LRPPRC: variants seen among roughly 807,000 people sequenced by gnomAD.
LRPPRC encodes leucine-rich PPR motif-containing protein, mitochondrial.
LRPPRC carries 120 observed loss-of-function variants against 180.3 expected under a neutral mutation model. The ratio of observed to expected loss-of-function variants is 0.67; its 90% CI spans 0.57 to 0.77. LRPPRC has a LOEUF of 0.77. Among genes scored for constraint, LRPPRC ranks in the 30% least tolerant of loss-of-function variants. LRPPRC has a pLI of 0.00. For missense variants in LRPPRC, 2,012 were observed against 1,657.2 expected (o/e 1.21, Z -3.72); for synonymous variants, 723 against 600.0 (o/e 1.21, Z -3.00).
intron 1 of LRPPRC, among the ~76,000 whole-genome samples, chr2:43,994,146 A>C (rs752754783): frequency 6.6e-5 from 10 of 152,212 alleles, no homozygotes; most frequent in Non-Finnish European, 1.0e-4. Flanking sequence ...AATGGGCACA[A>C]CTTTCTCAAA....
chr2:43,973,517 T>A (rs995843578), intron 11 of LRPPRC, 90 bp downstream of exon 11: 3 of 829,458 alleles, frequency 3.6e-6, no homozygotes, highest in Non-Finnish European at 6.4e-6. Flanking sequence ...GGAATAAGTA[T>A]GCTTTTCCAA....
At chr2:43,972,641 T>C (rs753584372) in intron 11 of LRPPRC, among the ~76,000 whole-genome samples, 1 of 152,222 alleles carries the variant, frequency 6.6e-6, no homozygotes, top group Non-Finnish European at 1.5e-5. Context: ...CACAAAGATT[T>C]TTCTAAAAAG....
chr2:43,985,664 C>T (rs1205965688), intron 1 of LRPPRC, among the ~76,000 whole-genome samples: 3 of 152,160 alleles, frequency 2.0e-5, no homozygotes, highest in Admixed American at 6.5e-5. Context: ...AGCATGACGG[C>T]GCACTTCTTT....
At chr2:43,944,274 T>C (rs1195676137) in intron 22 of LRPPRC, among the ~76,000 whole-genome samples, 1 of 152,030 alleles carries the variant, frequency 6.6e-6, no homozygotes, top group Non-Finnish European at 1.5e-5. Context: ...ATAATAAAGA[T>C]GTGTTTACAC....
intron 29 of LRPPRC, among the ~76,000 whole-genome samples, chr2:43,915,992 T>C (rs1671453487): frequency 6.6e-6 from 1 of 152,120 alleles, no homozygotes; most frequent in African/African-American, 2.4e-5. Flanking sequence ...CTCAAACTCC[T>C]GGACTCAAGT....
chr2:43,927,327 A>G (rs1671914376), intron 25 of LRPPRC, among the ~76,000 whole-genome samples: 1 of 152,242 alleles, frequency 6.6e-6, no homozygotes, highest in Admixed American at 6.5e-5. Flanking sequence ...TAAGAACTGA[A>G]GTGGAAACTA....
At chr2:43,893,563 G>T (rs113660438) in intron 36 of LRPPRC, among the ~76,000 whole-genome samples, 1 of 152,152 alleles carries the variant, frequency 6.6e-6, no homozygotes, top group Non-Finnish European at 1.5e-5. Flanking sequence ...TAAAATTAAG[G>T]TATGTACTTT....
chr2:43,915,080 A>T (rs1055037525), intron 29 of LRPPRC, among the ~76,000 whole-genome samples: 1 of 133,116 alleles, frequency 7.5e-6, no homozygotes, highest in Non-Finnish European at 1.6e-5. Flanking sequence ...AAAAAAAAAA[A>T]TTAGTCAGGC....
At position 43,938,870 on chromosome 2, in the gene LRPPRC, T is replaced by TA. The variant is rs577230485; in HGVS notation, c.2505-3993dup. Among the ~76,000 whole-genome samples the TA allele has an allele frequency of 1.7e-4, 26 of 150,512 alleles. No individual in the cohort carries two copies. In the East Asian group the frequency reaches 2.9e-3, roughly 17 times the overall value. On this transcript the variant is annotated intron_variant, in intron 23 of 37. Coordinates refer to ENST00000260665, the MANE Select transcript of LRPPRC (RefSeq NM_133259.4). ...TGTATTTCATACAATCTGGAATTGT[T>TA]AAAACAACCACGAGTGACAACTATC...
chr2:43,887,954 T>C lies in LRPPRC; in HGVS notation c.*646A>G, dbSNP rs1670329739. On this transcript the variant is annotated 3_prime_UTR_variant, in exon 38 of 38. Transcript: ENST00000260665. ...GACCGAGACTCAATTTCAGAGACGC[T>C]CTATGAACAGAGGTGCTTGAAGCCA... The C allele has an allele frequency of 6.5e-6, 1 of 153,076 alleles. No homozygotes were observed. Among genetic ancestry groups the C allele is most frequent in the South Asian group, 2.1e-4 (1 of 4,876 alleles). 9.5% of individuals were successfully genotyped at this position (153,076 alleles called of 1,614,324 possible).
rs763466043 is a variant in LRPPRC, at chr2:43,901,338, G to A, written c.3551C>T (p.Ala1184Val). 2 of 1,613,434 alleles carry A rather than the reference G, an allele frequency of 1.2e-6. No individual in the cohort carries two copies. Among genetic ancestry groups the A allele is most frequent in the Non-Finnish European group, 1.7e-6 (2 of 1,179,496 alleles). Residue 1184 changes from alanine to valine, a missense_variant, in exon 32 of 38, where the codon GCT becomes GTT. Ala to Val is a moderately conservative substitution (Grantham distance 64). Transcript: ENST00000260665. ...TACTCACTTCTTTATTTGAGCCAAA[G>A]CAATGTTATTGATGAAAACCATTTT... ...LSKMVFINNI[A>V]LAQIKNNNID...
rs367889482 is a variant in LRPPRC at position 43,988,208 on chromosome 2, T to A, written c.150-5774A>T. Among the ~76,000 whole-genome samples, 23 of 129,428 alleles carry A rather than the reference T, an allele frequency of 1.8e-4. No homozygotes were observed. The East Asian group carries it at 4.6e-3, about 26-fold the overall frequency. 84.9% of individuals were successfully genotyped at this position (129,428 alleles called of 152,430 possible). On this transcript the variant is annotated intron_variant, in intron 1 of 37. Coordinates refer to ENST00000260665, the MANE Select transcript of LRPPRC (RefSeq NM_133259.4). ...GTGAGCCAAGATCGCCCCACTGCAC[T>A]CCAGCCTGGGAGACAGAGACTCTGT...
intron 1 of LRPPRC, 101 bp from the exon 2 acceptor site, chr2:43,982,535 AAAATCAC>A (rs1443845243): frequency 1.2e-5 from 10 of 848,118 alleles, no homozygotes; most frequent in Non-Finnish European, 1.4e-5. Context: ...TTAAACACCT[AAAATCAC>A]AGTACAATAC....
At chr2:43,909,598 CA>C (rs914560864) in intron 30 of LRPPRC, among the ~76,000 whole-genome samples, 6 of 135,832 alleles carry the variant, frequency 4.4e-5, no homozygotes, top group Admixed American at 1.6e-4. Context: ...CTCTCTCACA[CA>C]AAAAAACCCA....
In LRPPRC at chr2:43,905,754, G is replaced by C. The variant is rs202002750; in HGVS notation, c.3302C>G (p.Thr1101Arg). The C allele has an allele frequency of 6.2e-7, 1 of 1,613,660 alleles. No homozygotes were observed. The highest frequency in any genetic ancestry group is 8.5e-7 in the Non-Finnish European group (1 of 1,179,514). ...AFAETHIKGF[T>R]LNDAANSRLI... is the part of the protein sequence containing the mutation. ...GCGGCTGTTGGCAGCATCGTTCAGT[G>C]TGAAGCCCTTGATGTGGGTCTCCGC... Residue 1101 changes from threonine (T) to arginine (R), a missense_variant, in exon 31 of 38, where the codon ACA (threonine) becomes AGA (arginine). Thr to Arg is a moderately conservative substitution (Grantham distance 71, BLOSUM62 -1). Coordinates refer to ENST00000260665, the MANE Select transcript of LRPPRC (RefSeq NM_133259.4).
At chr2:43,947,425 C>A in intron 19 of LRPPRC, 55 bp from the exon 20 acceptor site, 2 of 828,250 alleles carry the variant, frequency 2.4e-6, no homozygotes, top group Non-Finnish European at 4.2e-6. Context: ...ATATAGTATG[C>A]CTTTTGTCAC....
chr2:43,982,680 T>C (rs1045584568), intron 1 of LRPPRC, among the ~76,000 whole-genome samples: 1 of 152,194 alleles, frequency 6.6e-6, no homozygotes, highest in Non-Finnish European at 1.5e-5. Context: ...CTTGGTAACT[T>C]TGAACATGGA....
chr2:43,951,892 G>T (rs1017162178), intron 14 of LRPPRC, among the ~76,000 whole-genome samples: 1 of 152,004 alleles, frequency 6.6e-6, no homozygotes, highest in Admixed American at 6.6e-5. Flanking sequence ...TCAACTTACT[G>T]TCAAATAAAA....
At chr2:43,889,369 A>G (rs552796991) in intron 37 of LRPPRC, among the ~76,000 whole-genome samples, 90 of 152,072 alleles carry the variant, frequency 5.9e-4, no homozygotes, top group African/African-American at 2.1e-3. Flanking sequence ...AGAAATAAAA[A>G]CCAACTTATG....
Sources: gnomAD v4.1 joint callset for allele counts (sites outside exome capture counted in the v4.1 genomes callset) on GRCh38, gnomAD v4.1.1 for gene constraint, MANE v1.5 for transcripts, NCBI Gene and HGNC (gene_info 2026-07-23, HGNC 2026-07-21) for gene names.